The following ZCCHC2 variants were observed in gnomAD, a reference collection of about 807,000 sequenced individuals.
ZCCHC2 encodes zinc finger CCHC domain-containing protein 2.
Under a neutral mutation model 103.6 loss-of-function variants are expected in ZCCHC2, and 39 were observed. The ratio of observed to expected loss-of-function variants is 0.38; its 90% CI spans 0.29 to 0.49. The LOEUF (loss-of-function observed/expected upper bound fraction) is 0.49, where lower values mean the gene tolerates loss of function less well. Among genes scored for constraint, ZCCHC2 ranks in the 20% least tolerant of loss-of-function variants. The pLI is 0.96. For missense variants in ZCCHC2, 1,483 were observed against 1,491.0 expected (o/e 0.99, Z 0.09); for synonymous variants, 687 against 608.9 (o/e 1.13, Z -1.89).
chr18:62,570,149 A>G lies in ZCCHC2; in HGVS notation c.1893A>G (p.Thr631=). The G allele has an allele frequency of 6.2e-7, 1 of 1,612,800 alleles. No individual in the cohort carries two copies. The change falls in exon 12 of 14, where the codon ACA becomes ACG. Residue 631 remains threonine, a synonymous_variant. Transcript: ENST00000269499. Reference sequence around the variant, plus strand: ...CTGGACATGACACATGTGGAGAAACATCTTCAGAGAGTTACAGTTCTCCAT... The same window carrying G: ...CTGGACATGACACATGTGGAGAAACGTCTTCAGAGAGTTACAGTTCTCCAT... ...IGSGHDTCGE[T]SSESYSSPSS... is the part of the protein sequence containing the mutation.
intron 5 of ZCCHC2, chr18:62,551,685 T>G (rs4940560): frequency 6.5e-6 from 1 of 153,178 alleles, no homozygotes; most frequent in Non-Finnish European, 1.5e-5. Flanking sequence ...AGGTCAGCGT[T>G]TGGTTTTGGC....
rs752990360 is a variant in ZCCHC2 at position 62,523,393 on chromosome 18, C to T, written c.-32C>T. The T allele has an allele frequency of 5.8e-6, 6 of 1,030,052 alleles. No individual in the cohort carries two copies. The highest frequency in any genetic ancestry group is 3.4e-5 in the South Asian group (1 of 29,328). The allele number at this position is 1,030,052 out of a possible 1,614,324, so 63.8% of individuals were successfully genotyped here. On this transcript the variant is annotated 5_prime_UTR_variant, in exon 1 of 14. Transcript: ENST00000269499. ...ACCTCGCGGCCCCTCCCGCCCGCCC[C>T]CGCTCGCATGTCTGCGCCGCCCTAG... is the stretch of plus-strand genomic sequence containing the variant.
At chr18:62,551,466 TG>T (rs1396297574) in intron 5 of ZCCHC2, 1 of 152,222 alleles carries the variant, frequency 6.6e-6, no homozygotes, top group Non-Finnish European at 1.5e-5. Context: ...CAAGGGAATT[TG>T]GGGAAAAAAT....
At position 62,563,561 on chromosome 18, in the gene ZCCHC2, G is replaced by T. The variant is rs539947354; in HGVS notation, c.1686+417G>T. Among the ~76,000 whole-genome samples the T allele has an allele frequency of 2.4e-4, 36 of 152,290 alleles. No individual in the cohort carries two copies. The East Asian group carries it at 6.6e-3, about 28-fold the overall frequency. On this transcript the variant is annotated intron_variant, in intron 9 of 13. Transcript: ENST00000269499. ...AGTCTCAGCTACTCGGGAGGCTGAG[G>T]CAGGAGGATCACCTGAGCCCAGGAG...
chr18:62,567,805 T>G (rs1234330083), intron 11 of ZCCHC2, among the ~76,000 whole-genome samples: 1 of 151,602 alleles, frequency 6.6e-6, no homozygotes, highest in East Asian at 1.9e-4. Context: ...ATTAGCCAGA[T>G]GTGGTGGTGC....
At chr18:62,557,693 G>A (rs1915953992) in intron 6 of ZCCHC2, among the ~76,000 whole-genome samples, 1 of 152,156 alleles carries the variant, frequency 6.6e-6, no homozygotes, top group Non-Finnish European at 1.5e-5. Context: ...TGTATCAATA[G>A]CATCAGTTTA....
At chr18:62,554,554 AGTCCCC>A (rs1169708044) in intron 5 of ZCCHC2, among the ~76,000 whole-genome samples, 74 of 152,318 alleles carry the variant, frequency 4.9e-4, no homozygotes, top group African/African-American at 1.7e-3. Context: ...TGCTGATTTC[AGTCCCC>A]GCCTTTATCT....
chr18:62,523,360 C>G lies in ZCCHC2; in HGVS notation c.-65C>G, dbSNP rs1299430350. ...TGACGGCCGCGCCGCCGCCTCGGCC[C>G]GTGCTCCACCTCGCGGCCCCTCCCG... On this transcript the variant is annotated 5_prime_UTR_variant, in exon 1 of 14. Coordinates refer to ENST00000269499, the MANE Select transcript of ZCCHC2 (RefSeq NM_017742.6). 7.0e-6 allele frequency: 7 copies of G among 1,003,796 alleles called. No homozygotes were observed. Among genetic ancestry groups the G allele is most frequent in the East Asian group, 1.1e-4 (1 of 9,430 alleles). 62.2% of individuals were successfully genotyped at this position (1,003,796 alleles called of 1,614,324 possible). A position where few individuals can be genotyped will look rare whatever the true frequency, so the allele number is the denominator to read the frequency against.
At position 62,530,842 on chromosome 18, in the gene ZCCHC2, A is replaced by G. The variant is rs543577046; in HGVS notation, c.939+6479A>G. Among the ~76,000 whole-genome samples, 6 of 152,348 alleles carry G rather than the reference A, an allele frequency of 3.9e-5. No homozygotes were observed. In the South Asian group the frequency reaches 1.2e-3, roughly 32 times the overall value. On this transcript the variant is annotated intron_variant, in intron 1 of 13. Transcript: ENST00000269499. ...ATTAATTATCGTGCAGTTGTAATCTACTTAAATCCTGATCCTGTTTTCACA... is the reference window on the plus strand; with the variant it reads ...ATTAATTATCGTGCAGTTGTAATCTGCTTAAATCCTGATCCTGTTTTCACA...
intron 10 of ZCCHC2, 46 bp from the exon 11 acceptor site, chr18:62,564,956 G>T (rs1257501926): frequency 7.3e-7 from 1 of 1,375,502 alleles, no homozygotes; most frequent in Admixed American, 1.7e-5. Flanking sequence ...AATGTGTTTG[G>T]TAGATAACCT....
chr18:62,567,894 G>A (rs959694353), intron 11 of ZCCHC2, among the ~76,000 whole-genome samples: 12 of 134,510 alleles, frequency 8.9e-5, no homozygotes, highest in East Asian at 2.5e-4. Flanking sequence ...ACAGTGAGCC[G>A]AGATTGCACC....
In ZCCHC2 at chr18:62,539,802, C is replaced by A; in HGVS notation, c.1051+10C>A. 6.3e-7 allele frequency: 1 copy of A among 1,590,806 alleles called. No homozygotes were observed. The highest frequency in any genetic ancestry group is 8.6e-7 in the Non-Finnish European group (1 of 1,166,012). On this transcript the variant is annotated intron_variant, in intron 2 of 13. Coordinates refer to ENST00000269499, the MANE Select transcript of ZCCHC2 (RefSeq NM_017742.6). ...AGAGCTCAGCGAGAAGGTATGCTCT[C>A]TTTTTTGTAAACTTAAAGCATTAAT...
intron 1 of ZCCHC2, chr18:62,526,264 C>A (rs1039517028): frequency 6.6e-6 from 1 of 152,242 alleles, no homozygotes; most frequent in South Asian, 2.1e-4. Flanking sequence ...CTGCCATTAA[C>A]GTCAGCACAT....
At chr18:62,531,785 A>G (rs371466554) in intron 1 of ZCCHC2, among the ~76,000 whole-genome samples, 1 of 98,688 alleles carries the variant, frequency 1.0e-5, no homozygotes, top group Non-Finnish European at 2.1e-5. Flanking sequence ...CCATCTCTAC[A>G]AAAAGTAAAA....
Position 62,544,846 on chromosome 18 carries a change from C to A in ZCCHC2, c.1173C>A (p.His391Gln). The change falls in exon 4 of 14, where the codon CAC becomes CAA. Residue 391 changes from histidine (H) to glutamine (Q), a missense_variant. Around this residue, in one of 3 missense-constraint regions of ZCCHC2, gnomAD observed 31 missense variants for 58.4 expected, o/e 0.53. Coordinates refer to ENST00000269499, the MANE Select transcript of ZCCHC2 (RefSeq NM_017742.6). ...CAGTCACAACAGTAACAAAAACCCACCAAGAACTACAGGAATTTCTACTGA... is the reference window on the plus strand; with the variant it reads ...CAGTCACAACAGTAACAAAAACCCAACAAGAACTACAGGAATTTCTACTGA... ...DLSVTTVTKT[H>Q]QELQEFLLKL... is the part of the protein sequence containing the mutation. 6.5e-7 allele frequency: 1 copy of A among 1,539,718 alleles called. No individual in the cohort carries two copies. Among genetic ancestry groups the A allele is most frequent in the South Asian group, 1.3e-5 (1 of 79,884 alleles).
intron 4 of ZCCHC2, among the ~76,000 whole-genome samples, chr18:62,549,007 C>A (rs1443266911): frequency 2.0e-5 from 3 of 150,910 alleles, no homozygotes; most frequent in African/African-American, 2.4e-5. Context: ...ATCACGAGGT[C>A]AGGAGATTGA....
Position 62,523,456 on chromosome 18 carries a change from C to T in ZCCHC2, c.32C>T (p.Thr11Met), listed in dbSNP as rs1914146386. MLRMKLPLKP[T>M]HPAEPPPEAE... ...AGGATGAAGCTGCCGCTGAAGCCAA[C>T]GCACCCCGCGGAGCCGCCGCCCGAG... The change falls in exon 1 of 14, where the codon ACG (threonine) becomes ATG (methionine). Residue 11 changes from threonine (T) to methionine (M), a missense_variant. Physicochemically the swap from Thr to Met is moderately conservative, Grantham distance 81. Coordinates refer to ENST00000269499, the MANE Select transcript of ZCCHC2 (RefSeq NM_017742.6). 3 of 1,101,360 alleles carry T rather than the reference C, an allele frequency of 2.7e-6. No homozygotes were observed. The highest frequency in any genetic ancestry group is 3.4e-6 in the Non-Finnish European group (3 of 891,708). The allele number at this position is 1,101,360 out of a possible 1,614,324, so 68.2% of individuals were successfully genotyped here. A position where few individuals can be genotyped will look rare whatever the true frequency, so the allele number is the denominator to read the frequency against.
In ZCCHC2 at chr18:62,524,262, C is replaced by G. The variant is rs754682159; in HGVS notation, c.838C>G (p.Leu280Val). The G allele has an allele frequency of 4.5e-6, 7 of 1,550,018 alleles. No individual in the cohort carries two copies. Among genetic ancestry groups the G allele is most frequent in the Non-Finnish European group, 5.2e-6 (6 of 1,146,708 alleles). The part of the protein sequence containing the change: ...PAFSFHQRVT[L>V]REHLERLRAA... ...TTTCTCCTTCCACCAGCGGGTCACC[C>G]TGAGGGAACACTTGGAGAGGCTCCG... Residue 280 changes from leucine (L) to valine (V), a missense_variant, in exon 1 of 14, where the codon CTG becomes GTG. Leu to Val is a conservative substitution (Grantham distance 32). This residue lies in a region of ZCCHC2 where 568 missense variants were observed against 525.1 expected (regional missense o/e 1.08). Transcript: ENST00000269499.
intron 4 of ZCCHC2, among the ~76,000 whole-genome samples, chr18:62,550,104 T>C (rs1487549087): frequency 6.6e-6 from 1 of 152,236 alleles, no homozygotes; most frequent in Non-Finnish European, 1.5e-5. Context: ...ACATGCTGAA[T>C]GCTGTGGGTC....
Sources: allele counts gnomAD v4.1 joint callset (sites outside exome capture counted in the v4.1 genomes callset), GRCh38; gene constraint gnomAD v4.1.1; regional missense constraint gnomAD v4.1.1; transcripts MANE v1.5; gene names NCBI Gene and HGNC (gene_info 2026-07-23, HGNC 2026-07-21).